TP53INP1: variants seen among roughly 807,000 people sequenced by gnomAD.
TP53INP1 encodes tumor protein p53 inducible nuclear protein 1.
A neutral mutation model predicts 21.0 loss-of-function variants in TP53INP1; 12 were observed. That is an observed-to-expected ratio of 0.57 (90% CI 0.37 to 0.93). The LOEUF is 0.93. Among genes scored for constraint, TP53INP1 ranks in the 40% least tolerant of loss-of-function variants. The probability of loss-of-function intolerance (pLI) is 0.01; values close to 1 mark genes in which losing one functional copy is unlikely to be tolerated. For synonymous variants in TP53INP1, 91 were observed against 94.8 expected (o/e 0.96, Z 0.23); for missense variants, 274 against 294.7 (o/e 0.93, Z 0.51).
Position 94,929,413 on chromosome 8 carries a change from G to T in TP53INP1, c.*1066C>A, listed in dbSNP as rs1820177488. On this transcript the variant is annotated 3_prime_UTR_variant, in exon 4 of 4. Transcript: ENST00000342697. ...CAGGGAAGAATACTTACAATACAAGGCAATTAAAAAAAAAAAAAGAAAAAA... is the reference window on the plus strand; with the variant it reads ...CAGGGAAGAATACTTACAATACAAGTCAATTAAAAAAAAAAAAAGAAAAAA... The T allele has an allele frequency of 6.6e-6, 1 of 150,668 alleles. No homozygotes were observed. The highest frequency in any genetic ancestry group is 2.4e-5 in the African/African-American group (1 of 40,916). The allele number at this position is 150,668 out of a possible 1,614,324, so 9.3% of individuals were successfully genotyped here.
Position 94,929,969 on chromosome 8 carries a change from C to G in TP53INP1, c.*510G>C, listed in dbSNP as rs1362414397. The G allele has an allele frequency of 6.5e-6, 1 of 153,220 alleles. No homozygotes were observed. The highest frequency in any genetic ancestry group is 1.5e-5 in the Non-Finnish European group (1 of 68,574). The allele number at this position is 153,220 out of a possible 1,614,324, so 9.5% of individuals were successfully genotyped here. A position where few individuals can be genotyped will look rare whatever the true frequency, so the allele number is the denominator to read the frequency against. On this transcript the variant is annotated 3_prime_UTR_variant, in exon 4 of 4. Transcript: ENST00000342697. ...TTCAAAAGAAAGTCCAGCCATAATTCCATTATATCCATGGCAACTATCACC... is the reference window on the plus strand; with the variant it reads ...TTCAAAAGAAAGTCCAGCCATAATTGCATTATATCCATGGCAACTATCACC...
At chr8:94,935,806 A>G (rs766596665) in intron 3 of TP53INP1, among the ~76,000 whole-genome samples, 1 of 152,232 alleles carries the variant, frequency 6.6e-6, no homozygotes, top group Non-Finnish European at 1.5e-5. Context: ...AGCTTTACGT[A>G]AAGAAGTTAT....
intron 3 of TP53INP1, among the ~76,000 whole-genome samples, chr8:94,932,574 C>T (rs1383048585): frequency 2.6e-5 from 4 of 152,260 alleles, no homozygotes; most frequent in East Asian, 3.9e-4. Context: ...GAGGCTGAGG[C>T]GGGCGGATCG....
In TP53INP1 at chr8:94,940,824, C is replaced by T. The variant is rs765347770; in HGVS notation, c.112+6G>A. On this transcript the variant is annotated splice_donor_region_variant and intron_variant, in intron 2 of 3. Transcript: ENST00000342697. ...ATGAACCACCAAGTAACCAAGTGTA[C>T]CTTACCTATGAAGTCAACAAGAATC... is the stretch of plus-strand genomic sequence containing the variant. 3 of 1,604,350 alleles carry T rather than the reference C, an allele frequency of 1.9e-6. No homozygotes were observed. The highest frequency in any genetic ancestry group is 2.2e-5 in the East Asian group (1 of 44,584).
At chr8:94,935,428 A>G (rs1383637410) in intron 3 of TP53INP1, among the ~76,000 whole-genome samples, 1 of 152,222 alleles carries the variant, frequency 6.6e-6, no homozygotes. Flanking sequence ...TCCTAGCTAT[A>G]TTCTCTGGAC....
chr8:94,934,620 T>A (rs1820783638), intron 3 of TP53INP1, among the ~76,000 whole-genome samples: 1 of 152,040 alleles, frequency 6.6e-6, no homozygotes, highest in South Asian at 2.1e-4. Context: ...GACCTCGTGA[T>A]CCACCCACCC....
At position 94,930,331 on chromosome 8, in the gene TP53INP1, T is replaced by G. The variant is rs1820266825; in HGVS notation, c.*148A>C. On this transcript the variant is annotated 3_prime_UTR_variant, in exon 4 of 4. Coordinates refer to ENST00000342697, the MANE Select transcript of TP53INP1 (RefSeq NM_033285.4). The stretch of plus-strand genomic sequence containing the variant: ...TGTGATACACAGCATATAAATCTGA[T>G]TTTCAAGATAGTGTCTAAATACACT... The G allele has an allele frequency of 1.7e-6, 2 of 1,150,670 alleles. No individual in the cohort carries two copies. Among genetic ancestry groups the G allele is most frequent in the South Asian group, 3.1e-5 (2 of 63,606 alleles). 71.3% of individuals were successfully genotyped at this position (1,150,670 alleles called of 1,614,324 possible).
At chr8:94,947,167 C>T (rs1822091303) in intron 1 of TP53INP1, among the ~76,000 whole-genome samples, 1 of 152,002 alleles carries the variant, frequency 6.6e-6, no homozygotes. Context: ...ATTCCAATTC[C>T]TTGTTTTCCC....
chr8:94,939,520 T>C (rs1251557859), intron 3 of TP53INP1, among the ~76,000 whole-genome samples: 2 of 152,186 alleles, frequency 1.3e-5, no homozygotes, highest in Non-Finnish European at 2.9e-5. Flanking sequence ...CTCAGCCTCC[T>C]GAGTAGCTGG....
At chr8:94,948,808 G>A (rs1822259644) in intron 1 of TP53INP1, among the ~76,000 whole-genome samples, 1 of 152,038 alleles carries the variant, frequency 6.6e-6, no homozygotes, top group African/African-American at 2.4e-5. Flanking sequence ...TCCCGCCGCG[G>A]CCAAGAAAAC....
chr8:94,941,688 C>T (rs1821551288), intron 1 of TP53INP1, among the ~76,000 whole-genome samples: 1 of 152,202 alleles, frequency 6.6e-6, no homozygotes, highest in South Asian at 2.1e-4. Context: ...AAACACCCTT[C>T]CTGTGTAGCA....
intron 3 of TP53INP1, chr8:94,932,006 C>T: frequency 6.7e-7 from 1 of 1,494,528 alleles, no homozygotes; most frequent in Non-Finnish European, 9.1e-7. Flanking sequence ...AAAAGGTCAG[C>T]ATTTGGGTCC....
Position 94,930,330 on chromosome 8 carries a change from A to C in TP53INP1, c.*149T>G. 1 of 1,140,852 alleles carries C rather than the reference A, an allele frequency of 8.8e-7. No homozygotes were observed. The highest frequency in any genetic ancestry group is 1.2e-6 in the Non-Finnish European group (1 of 804,842). 70.7% of individuals were successfully genotyped at this position (1,140,852 alleles called of 1,614,324 possible). A position where few individuals can be genotyped will look rare whatever the true frequency, so the allele number is the denominator to read the frequency against. On this transcript the variant is annotated 3_prime_UTR_variant, in exon 4 of 4. Transcript: ENST00000342697. ...ATGTGATACACAGCATATAAATCTG[A>C]TTTTCAAGATAGTGTCTAAATACAC...
chr8:94,941,532 C>T (rs1036277147), intron 1 of TP53INP1, among the ~76,000 whole-genome samples: 29 of 152,200 alleles, frequency 1.9e-4, no homozygotes, highest in Non-Finnish European at 2.5e-4. Flanking sequence ...CTACTCTGTA[C>T]TTCTTGTCTA....
chr8:94,946,131 G>A (rs1396848807), intron 1 of TP53INP1, among the ~76,000 whole-genome samples: 1 of 150,940 alleles, frequency 6.6e-6, no homozygotes, highest in African/African-American at 2.4e-5. Context: ...CTACACATAA[G>A]GCTTCTTTTT....
Position 94,947,781 on chromosome 8 carries a change from G to A in TP53INP1, c.-151+1373C>T, listed in dbSNP as rs534776460. 2.0e-5 allele frequency among the ~76,000 whole-genome samples: 3 copies of A among 152,330 alleles called. No individual in the cohort carries two copies. The East Asian group carries it at 5.8e-4, about 29-fold the overall frequency. On this transcript the variant is annotated intron_variant, in intron 1 of 3. Coordinates refer to ENST00000342697, the MANE Select transcript of TP53INP1 (RefSeq NM_033285.4). ...GAAAGCAGACATCAGAGGAAGCAAT[G>A]GCAGGAAAGAACAAAAGATAGGATG...
chr8:94,932,161 T>C (rs1586695766), intron 3 of TP53INP1: 3 of 1,567,566 alleles, frequency 1.9e-6, no homozygotes, highest in East Asian at 4.5e-5. Context: ...TAAAATGCTA[T>C]TGTAACTTTA....
chr8:94,930,736 A>C lies in TP53INP1; in HGVS notation c.474-8T>G, dbSNP rs1820313556. The C allele has an allele frequency of 1.9e-6, 3 of 1,612,898 alleles. No individual in the cohort carries two copies. In the South Asian group the frequency reaches 3.3e-5, roughly 18 times the overall value. ...TCATTTTGAGCTTCCACTCTGAAAC[A>C]GAAAAAAGTGGGGATGTATTAAATA... On this transcript the variant is annotated splice_region_variant and splice_polypyrimidine_tract_variant and intron_variant, in intron 3 of 3. Transcript: ENST00000342697.
At chr8:94,943,273 G>A (rs1225219651) in intron 1 of TP53INP1, among the ~76,000 whole-genome samples, 1 of 152,164 alleles carries the variant, frequency 6.6e-6, no homozygotes, top group South Asian at 2.1e-4. Context: ...AGGAATGCTT[G>A]AGCCTAGGAG....
Sources: allele counts gnomAD v4.1 joint callset (sites outside exome capture counted in the v4.1 genomes callset), GRCh38; gene constraint gnomAD v4.1.1; transcripts MANE v1.5; gene names NCBI Gene and HGNC (gene_info 2026-07-23, HGNC 2026-07-21).